Variants in ZNF407 observed in about 807,000 individuals in gnomAD.
ZNF407 encodes zinc finger protein 407.
Under a neutral mutation model 131.2 loss-of-function variants are expected in ZNF407, and 17 were observed. The observed-to-expected ratio is 0.13, with a 90% CI of 0.09 to 0.19. The LOEUF (loss-of-function observed/expected upper bound fraction) is 0.19. ZNF407 is among the 10% of genes least tolerant of loss of function. ZNF407 has a pLI of 1.00. For missense variants in ZNF407, 2,681 were observed against 2,830.6 expected (o/e 0.95, Z 1.20); for synonymous variants, 1,156 against 1,062.0 (o/e 1.09, Z -1.72).
At chr18:74,834,494 T>C (rs1970528838) in intron 4 of ZNF407, among the ~76,000 whole-genome samples, 1 of 152,246 alleles carries the variant, frequency 6.6e-6, no homozygotes, top group Non-Finnish European at 1.5e-5. Flanking sequence ...GTCTAGCCTT[T>C]CTTCTATCAG....
chr18:74,657,095 TTTTTAA>T (rs959883746), intron 3 of ZNF407, among the ~76,000 whole-genome samples: 2 of 151,918 alleles, frequency 1.3e-5, no homozygotes, highest in African/African-American at 2.4e-5. Flanking sequence ...TTTTTTTTTT[TTTTTAA>T]TTTAAGTGTC....
chr18:74,947,448 A>G (rs1254228335), intron 8 of ZNF407, among the ~76,000 whole-genome samples: 1 of 152,210 alleles, frequency 6.6e-6, no homozygotes, highest in Admixed American at 6.5e-5. Flanking sequence ...TTGGCAGGGT[A>G]CATAAAGAAC....
intron 6 of ZNF407, among the ~76,000 whole-genome samples, chr18:74,889,484 C>A (rs1056252319): frequency 2.0e-5 from 3 of 151,892 alleles, no homozygotes; most frequent in African/African-American, 7.3e-5. Context: ...TTTTATTTTT[C>A]TTCATATCTA....
At chr18:74,716,745 T>A (rs1370500243) in intron 3 of ZNF407, among the ~76,000 whole-genome samples, 1 of 152,216 alleles carries the variant, frequency 6.6e-6, no homozygotes, top group African/African-American at 2.4e-5. Flanking sequence ...TTACCTCTAA[T>A]TTATGACATA....
chr18:74,696,756 T>C (rs1054019941), intron 3 of ZNF407, among the ~76,000 whole-genome samples: 2 of 152,158 alleles, frequency 1.3e-5, no homozygotes, highest in African/African-American at 2.4e-5. Flanking sequence ...GTGGTAGTAA[T>C]ATGGAAACTG....
chr18:74,967,284 A>T (rs893095895), intron 8 of ZNF407, among the ~76,000 whole-genome samples: 13 of 152,212 alleles, frequency 8.5e-5, no homozygotes, highest in Admixed American at 8.5e-4. Flanking sequence ...TTAATCTCTT[A>T]TAAAGTATAA....
intron 8 of ZNF407, among the ~76,000 whole-genome samples, chr18:74,957,223 G>C (rs1392775601): frequency 6.6e-6 from 1 of 152,084 alleles, no homozygotes; most frequent in African/African-American, 2.4e-5. Context: ...CCGTGAGGTT[G>C]TCGTTCTTCG....
chr18:74,974,133 A>G (rs1455347219), intron 8 of ZNF407, among the ~76,000 whole-genome samples: 3 of 152,178 alleles, frequency 2.0e-5, no homozygotes, highest in Admixed American at 6.5e-5. Context: ...AAGCTCTACA[A>G]CTGTGCAGAT....
intron 7 of ZNF407, among the ~76,000 whole-genome samples, chr18:74,890,852 A>G (rs549828746): frequency 1.3e-4 from 20 of 152,190 alleles, no homozygotes; most frequent in Non-Finnish European, 2.6e-4. Flanking sequence ...AAAATGGTCC[A>G]GTTATTTCCA....
intron 8 of ZNF407, among the ~76,000 whole-genome samples, chr18:74,945,328 A>T (rs942503504): frequency 2.0e-5 from 3 of 152,202 alleles, no homozygotes; most frequent in African/African-American, 7.2e-5. Context: ...TCCTATAAAT[A>T]TATTTTAGGT....
intron 4 of ZNF407, among the ~76,000 whole-genome samples, chr18:74,872,855 CTT>C (rs1364037268): frequency 4.0e-5 from 6 of 150,870 alleles, no homozygotes; most frequent in Admixed American, 2.6e-4. Context: ...ATACCTGTGT[CTT>C]TATATATGTG....
rs530530521 is a variant in ZNF407 at position 74,811,304 on chromosome 18, G to T, written c.4877+29802G>T. On this transcript the variant is annotated intron_variant, in intron 4 of 8. Transcript: ENST00000299687. ...CACCATCACTGGCCATCAGAGAAAT[G>T]CAAATCAAAACCACAATGAGATACC... Among the ~76,000 whole-genome samples the T allele has an allele frequency of 7.0e-4, 106 of 152,238 alleles. 1 individual carries two copies. Among genetic ancestry groups the T allele is most frequent in the African/African-American group, 2.4e-3 (101 of 41,538 alleles).
intron 8 of ZNF407, among the ~76,000 whole-genome samples, chr18:75,036,679 C>T (rs1973312345): frequency 6.6e-6 from 1 of 152,168 alleles, no homozygotes; most frequent in African/African-American, 2.4e-5. Flanking sequence ...AAGGGTGGTA[C>T]TTTTTCCAAG....
At chr18:75,028,661 G>A (rs1973200077) in intron 8 of ZNF407, among the ~76,000 whole-genome samples, 2 of 152,188 alleles carry the variant, frequency 1.3e-5, no homozygotes, top group Admixed American at 6.5e-5. Context: ...ATTCCGCTAG[G>A]TACTGAGATA....
chr18:74,779,406 G>A (rs894057752), intron 3 of ZNF407, among the ~76,000 whole-genome samples: 1 of 151,748 alleles, frequency 6.6e-6, no homozygotes, highest in African/African-American at 2.4e-5. Flanking sequence ...GAGCCACCGC[G>A]CCCGGTCAGC....
chr18:75,026,699 C>T (rs564777093), intron 8 of ZNF407, among the ~76,000 whole-genome samples: 1 of 152,200 alleles, frequency 6.6e-6, no homozygotes, highest in Non-Finnish European at 1.5e-5. Context: ...TTCCAAATAA[C>T]TGCCGTGTTT....
At position 75,064,600 on chromosome 18, in the gene ZNF407, C is replaced by A; in HGVS notation, c.*132C>A. ...AAGGCTCCCGTGAGCTCTGAGCATG[C>A]CCTCCCAGCGAGAGTCACACTGGCC... On this transcript the variant is annotated 3_prime_UTR_variant, in exon 9 of 9. Transcript: ENST00000299687. 1 of 851,902 alleles carries A rather than the reference C, an allele frequency of 1.2e-6. No individual in the cohort carries two copies. Among genetic ancestry groups the A allele is most frequent in the Non-Finnish European group, 1.7e-6 (1 of 588,396 alleles). 52.8% of individuals were successfully genotyped at this position (851,902 alleles called of 1,614,324 possible). A position where few individuals can be genotyped will look rare whatever the true frequency, so the allele number is the denominator to read the frequency against.
chr18:74,908,066 TA>T (rs1971620288), intron 7 of ZNF407, among the ~76,000 whole-genome samples: 1 of 152,170 alleles, frequency 6.6e-6, no homozygotes, highest in Non-Finnish European at 1.5e-5. Context: ...TTTTATCTTT[TA>T]AAAAAATTAA....
At chr18:74,609,688 G>C (rs77201574) in intron 1 of ZNF407, among the ~76,000 whole-genome samples, 5 of 152,166 alleles carry the variant, frequency 3.3e-5, no homozygotes, top group Non-Finnish European at 7.4e-5. Flanking sequence ...CACCACAAAC[G>C]TGAGAAATGT....
Sources: gnomAD v4.1 joint callset for allele counts (sites outside exome capture counted in the v4.1 genomes callset) on GRCh38, gnomAD v4.1.1 for gene constraint, MANE v1.5 for transcripts, NCBI Gene and HGNC (gene_info 2026-07-23, HGNC 2026-07-21) for gene names.